Variants in EPHA5 observed in about 807,000 individuals in gnomAD.
The protein encoded by EPHA5 is ephrin type-A receptor 5.
EPHA5 carries 60 observed loss-of-function variants against 105.0 expected under a neutral mutation model. The observed-to-expected ratio is 0.57, with a 90% CI of 0.46 to 0.71. EPHA5 has a LOEUF of 0.71. Ranked by LOEUF, EPHA5 falls within the 30% of genes least tolerant of loss-of-function variation. EPHA5 has a pLI of 0.00. For missense variants in EPHA5, 1,218 were observed against 1,274.7 expected, an observed-to-expected ratio of 0.96 and a Z score of 0.68; for synonymous variants, 513 against 449.1, an observed-to-expected ratio of 1.14 and a Z score of -1.80.
At chr4:65,510,816 GC>G (rs1276905034) in intron 3 of EPHA5, among the ~76,000 whole-genome samples, 11 of 152,154 alleles carry the variant, frequency 7.2e-5, no homozygotes, top group Middle Eastern at 3.2e-3. Flanking sequence ...CCACAAACAT[GC>G]TAGACTTGTA....
chr4:65,517,540 G>A (rs1734227101), intron 3 of EPHA5, among the ~76,000 whole-genome samples: 1 of 151,550 alleles, frequency 6.6e-6, no homozygotes, highest in African/African-American at 2.4e-5. Context: ...TGATATAGTT[G>A]GATTTAAATT....
At chr4:65,438,824 A>G (rs1725741822) in intron 5 of EPHA5, among the ~76,000 whole-genome samples, 1 of 152,132 alleles carries the variant, frequency 6.6e-6, no homozygotes, top group Non-Finnish European at 1.5e-5. Flanking sequence ...AAGAAAGGAC[A>G]TTAAAGGTTT....
Position 65,464,214 on chromosome 4 carries a change from A to G in EPHA5, c.1402+26163T>C, listed in dbSNP as rs145811126. On this transcript the variant is annotated intron_variant, in intron 5 of 16. Transcript: ENST00000613740. Reference sequence around the variant, plus strand: ...GTTCACAAATTTGAATTGACCCTCAATTTTACTCATTATAAATAACTAGGC... The same window carrying G: ...GTTCACAAATTTGAATTGACCCTCAGTTTTACTCATTATAAATAACTAGGC... Among the ~76,000 whole-genome samples the G allele has an allele frequency of 1.3e-4, 20 of 152,076 alleles. No homozygotes were observed. In the East Asian group the frequency reaches 3.1e-3, roughly 24 times the overall value.
intron 5 of EPHA5, among the ~76,000 whole-genome samples, chr4:65,459,503 G>C (rs2149127222): frequency 6.6e-6 from 1 of 151,886 alleles, no homozygotes; most frequent in Middle Eastern, 3.4e-3. Flanking sequence ...GGAATAATTA[G>C]TTGAATAAAA....
chr4:65,411,226 T>A (rs1722877174), intron 7 of EPHA5, among the ~76,000 whole-genome samples: 1 of 147,276 alleles, frequency 6.8e-6, no homozygotes, highest in Admixed American at 6.8e-5. Context: ...ATTAAATAGT[T>A]TTTCTAAAAA....
At chr4:65,398,029 A>AC (rs1162436875) in intron 8 of EPHA5, among the ~76,000 whole-genome samples, 2 of 151,328 alleles carry the variant, frequency 1.3e-5, no homozygotes, top group Non-Finnish European at 2.9e-5. Context: ...AAGCCTCACC[A>AC]CCCCCCTTCC....
At position 65,367,741 on chromosome 4, in the gene EPHA5, AT is replaced by A. The variant is rs1241270474; in HGVS notation, c.1794-318del. On this transcript the variant is annotated intron_variant, in intron 8 of 16. Transcript: ENST00000613740. ...TCCTCTTTTACTTTATTTTATTTTT[AT>A]TTTTTGGCAGTTCAAAAGCCACTGC... Among the ~76,000 whole-genome samples the A allele has an allele frequency of 3.3e-5, 5 of 152,012 alleles. No homozygotes were observed. The East Asian group carries it at 7.7e-4, about 24-fold the overall frequency.
chr4:65,478,668 C>T (rs1031544676), intron 5 of EPHA5, among the ~76,000 whole-genome samples: 6 of 152,002 alleles, frequency 3.9e-5, no homozygotes, highest in Admixed American at 2.0e-4. Flanking sequence ...GATGGGGTTC[C>T]GCCATGCTGG....
At chr4:65,380,605 A>T (rs1395133661) in intron 8 of EPHA5, among the ~76,000 whole-genome samples, 1 of 151,848 alleles carries the variant, frequency 6.6e-6, no homozygotes, top group Non-Finnish European at 1.5e-5. Flanking sequence ...CAGGTAAATG[A>T]GAAAAAAGCA....
At chr4:65,460,730 A>G (rs1728044132) in intron 5 of EPHA5, among the ~76,000 whole-genome samples, 1 of 151,784 alleles carries the variant, frequency 6.6e-6, no homozygotes, top group South Asian at 2.1e-4. Flanking sequence ...TTTGGGAATT[A>G]ATTAGCCTAA....
At position 65,428,095 on chromosome 4, in the gene EPHA5, C is replaced by T. The variant is rs192913000; in HGVS notation, c.1403-7530G>A. On this transcript the variant is annotated intron_variant, in intron 5 of 16. Transcript: ENST00000613740. The stretch of plus-strand genomic sequence containing the variant: ...GTAGCTGGTTTAATAAATAAAGCTA[C>T]ATATAGTGATTACTTTGCTATCTTT... Among the ~76,000 whole-genome samples, 604 of 152,048 alleles carry T rather than the reference C, an allele frequency of 4.0e-3. 4 individuals carry two copies. Among genetic ancestry groups the T allele is most frequent in the African/African-American group, 0.014 (570 of 41,506 alleles).
chr4:65,409,346 A>ATAAATAAATAAAT (rs1553910970), intron 7 of EPHA5, among the ~76,000 whole-genome samples: 23 of 134,238 alleles, frequency 1.7e-4, no homozygotes, highest in South Asian at 2.5e-4. Context: ...ATAATAATAA[A>ATAAATAAATAAAT]AAATAAATAA....
chr4:65,423,831 G>T (rs1365215295), intron 5 of EPHA5, among the ~76,000 whole-genome samples: 2 of 151,930 alleles, frequency 1.3e-5, no homozygotes, highest in Non-Finnish European at 2.9e-5. Flanking sequence ...AGATCTGGGT[G>T]TTGAGTGTGT....
intron 5 of EPHA5, among the ~76,000 whole-genome samples, chr4:65,460,656 A>T (rs1010382127): frequency 2.0e-5 from 3 of 151,754 alleles, no homozygotes; most frequent in African/African-American, 7.2e-5. Context: ...AGGCAGGTAG[A>T]TAAAAATTAG....
intron 3 of EPHA5, among the ~76,000 whole-genome samples, chr4:65,598,588 T>C (rs527709931): frequency 6.6e-6 from 1 of 152,286 alleles, no homozygotes; most frequent in South Asian, 2.1e-4. Flanking sequence ...ATAACAAGTA[T>C]GCAAATATAG....
intron 3 of EPHA5, among the ~76,000 whole-genome samples, chr4:65,517,581 T>G (rs2149271938): frequency 6.6e-6 from 1 of 152,066 alleles, no homozygotes; most frequent in African/African-American, 2.4e-5. Flanking sequence ...TTTCACCCTC[T>G]GTTTCTTTGC....
chr4:65,367,239 A>T, intron 9 of EPHA5, 118 bp downstream of exon 9: 1 of 866,072 alleles, frequency 1.2e-6, no homozygotes, highest in Non-Finnish European at 1.7e-6. Flanking sequence ...ACACTTTTAA[A>T]AAAAAAAAAA....
At chr4:65,375,646 T>C (rs1300044613) in intron 8 of EPHA5, among the ~76,000 whole-genome samples, 2 of 151,928 alleles carry the variant, frequency 1.3e-5, no homozygotes, top group East Asian at 3.9e-4. Flanking sequence ...TCAATATCAA[T>C]GTTCTTTTCT....
intron 2 of EPHA5, among the ~76,000 whole-genome samples, chr4:65,636,880 T>A (rs1747168530): frequency 6.6e-6 from 1 of 152,070 alleles, no homozygotes. Flanking sequence ...TTGGGGTGTT[T>A]TACTTCACTG....
Sources: gnomAD v4.1 joint callset for allele counts (sites outside exome capture counted in the v4.1 genomes callset) on GRCh38, gnomAD v4.1.1 for gene constraint, MANE v1.5 for transcripts, NCBI Gene and HGNC (gene_info 2026-07-23, HGNC 2026-07-21) for gene names.